BCKDHB: variants seen among roughly 807,000 people sequenced by gnomAD.
BCKDHB encodes the protein branched chain keto acid dehydrogenase E1 subunit beta, also known as 2-oxoisovalerate dehydrogenase subunit beta, mitochondrial.
Under a neutral mutation model 48.5 loss-of-function variants are expected in BCKDHB, and 41 were observed. That is an observed-to-expected ratio of 0.85 (90% confidence interval 0.66 to 1.10). BCKDHB has a LOEUF of 1.10. BCKDHB is among the 50% of genes least tolerant of loss of function. BCKDHB has a pLI of 0.00. For missense variants in BCKDHB, 496 were observed against 494.2 expected (o/e 1.00, Z -0.03); for synonymous variants, 201 against 174.8 (o/e 1.15, Z -1.18).
At chr6:80,396,969 G>A in the BCKDHB span, among the ~76,000 whole-genome samples, 1 of 152,082 alleles carries the variant, frequency 6.6e-6, no homozygotes, top group South Asian at 2.1e-4. Context: ...GGAAAAGGGG[G>A]CCCAAGTCTC....
At chr6:80,388,349 C>T in the BCKDHB span, among the ~76,000 whole-genome samples, 1 of 152,130 alleles carries the variant, frequency 6.6e-6, no homozygotes, top group Non-Finnish European at 1.5e-5. Flanking sequence ...ACAGAGGAGA[C>T]CTCTAGGATT....
At chr6:80,159,327 A>G (rs1041470578) in intron 3 of BCKDHB, among the ~76,000 whole-genome samples, 1 of 152,150 alleles carries the variant, frequency 6.6e-6, no homozygotes, top group African/African-American at 2.4e-5. Flanking sequence ...TATCTTCTCA[A>G]CTAGTACAGA....
intron 9 of BCKDHB, among the ~76,000 whole-genome samples, chr6:80,279,631 A>G (rs1188350601): frequency 6.6e-6 from 1 of 151,740 alleles, no homozygotes; most frequent in Non-Finnish European, 1.5e-5. Context: ...TGATCTACTC[A>G]AACCAGTCTT....
intron 6 of BCKDHB, among the ~76,000 whole-genome samples, chr6:80,184,000 A>T (rs1773528869): frequency 6.6e-6 from 1 of 152,144 alleles, no homozygotes; most frequent in African/African-American, 2.4e-5. Flanking sequence ...GCAGAAAGGT[A>T]TCTTGGTTGC....
intron 6 of BCKDHB, among the ~76,000 whole-genome samples, chr6:80,178,216 A>G (rs1739217737): frequency 6.6e-6 from 1 of 152,164 alleles, no homozygotes; most frequent in Non-Finnish European, 1.5e-5. Context: ...GCCTGGGATG[A>G]TGGGAGACTG....
Position 80,307,978 on chromosome 6 carries a change from C to A in BCKDHB, c.1038+34757C>A, listed in dbSNP as rs1197042989. The A allele has an allele frequency of 5.4e-6, 5 of 922,570 alleles. No individual in the cohort carries two copies. In the East Asian group the frequency reaches 4.7e-4, roughly 86 times the overall value. 57.1% of individuals were successfully genotyped at this position (922,570 alleles called of 1,614,324 possible). A position where few individuals can be genotyped will look rare whatever the true frequency, so the allele number is the denominator to read the frequency against. ...AGCAAAAAATTTTGAATGCCAGATA[C>A]TGCAAAGAATTCTACAATCACAACT... On this transcript the variant is annotated intron_variant, in intron 9 of 9. Coordinates refer to ENST00000320393, the MANE Select transcript of BCKDHB (RefSeq NM_183050.4).
At chr6:80,266,630 T>C (rs1777526563) in intron 8 of BCKDHB, among the ~76,000 whole-genome samples, 1 of 152,092 alleles carries the variant, frequency 6.6e-6, no homozygotes, top group Admixed American at 6.6e-5. Flanking sequence ...GAACTCGTTA[T>C]TCTAAAACAA....
the BCKDHB span, among the ~76,000 whole-genome samples, chr6:80,396,589 A>C: frequency 2.8e-4 from 43 of 152,290 alleles, 1 homozygote; most frequent in Middle Eastern, 0.01. Context: ...CTCATCTTGA[A>C]TTTTAGTTTC....
At chr6:80,204,667 C>CTA (rs3842604) in intron 8 of BCKDHB, among the ~76,000 whole-genome samples, 5 of 148,926 alleles carry the variant, frequency 3.4e-5, no homozygotes, top group Non-Finnish European at 5.9e-5. Flanking sequence ...ACGTATCTAT[C>CTA]TATATATATA....
chr6:80,228,226 A>C (rs549526275), intron 8 of BCKDHB, among the ~76,000 whole-genome samples: 1 of 152,224 alleles, frequency 6.6e-6, no homozygotes, highest in Admixed American at 6.5e-5. Flanking sequence ...ATGATGGTTC[A>C]TTTAAATTTT....
At chr6:80,444,407 T>G in the BCKDHB span, among the ~76,000 whole-genome samples, 1 of 152,196 alleles carries the variant, frequency 6.6e-6, no homozygotes, top group South Asian at 2.1e-4. Context: ...ATATAATTCT[T>G]GATACTTATT....
At chr6:80,340,791 T>TTG (rs1171906630) in intron 9 of BCKDHB, among the ~76,000 whole-genome samples, 2 of 151,584 alleles carry the variant, frequency 1.3e-5, no homozygotes, top group African/African-American at 4.8e-5. Flanking sequence ...GTGTGTGTGT[T>TTG]TGTGTGTGTG....
At chr6:80,354,876 A>G in the BCKDHB span, among the ~76,000 whole-genome samples, 19 of 152,276 alleles carry the variant, frequency 1.2e-4, no homozygotes, top group East Asian at 2.7e-3. Flanking sequence ...CTGGTTTTAT[A>G]CCAGTACTGT....
chr6:80,313,552 G>A (rs934908437), intron 9 of BCKDHB, among the ~76,000 whole-genome samples: 5 of 152,184 alleles, frequency 3.3e-5, no homozygotes, highest in South Asian at 2.1e-4. Flanking sequence ...GTAGAGACGT[G>A]GTTTCACCTT....
intron 3 of BCKDHB, among the ~76,000 whole-genome samples, chr6:80,150,946 C>T (rs892072352): frequency 5.3e-5 from 8 of 152,084 alleles, no homozygotes; most frequent in African/African-American, 1.9e-4. Context: ...GAATACTGTC[C>T]TTAATATATG....
At chr6:80,416,559 G>A in the BCKDHB span, among the ~76,000 whole-genome samples, 1 of 151,852 alleles carries the variant, frequency 6.6e-6, no homozygotes. Flanking sequence ...TCCGGAGCAG[G>A]TTATTCAACT....
At chr6:80,330,805 T>A (rs1274929973) in intron 9 of BCKDHB, among the ~76,000 whole-genome samples, 1 of 152,194 alleles carries the variant, frequency 6.6e-6, no homozygotes, top group South Asian at 2.1e-4. Context: ...TTCCTTCTCA[T>A]ATGACATTTG....
At chr6:80,218,111 C>T (rs1775255050) in intron 8 of BCKDHB, among the ~76,000 whole-genome samples, 1 of 152,108 alleles carries the variant, frequency 6.6e-6, no homozygotes, top group African/African-American at 2.4e-5. Context: ...TGTACATATG[C>T]CAACACGACT....
At chr6:80,144,125 C>T (rs1384161227) in intron 3 of BCKDHB, among the ~76,000 whole-genome samples, 2 of 152,114 alleles carry the variant, frequency 1.3e-5, no homozygotes, top group Non-Finnish European at 2.9e-5. Flanking sequence ...AACTCAAAAT[C>T]ACTTCAGGAA....
Sources: allele counts gnomAD v4.1 joint callset (sites outside exome capture counted in the v4.1 genomes callset), GRCh38; gene constraint gnomAD v4.1.1; transcripts MANE v1.5; gene names NCBI Gene and HGNC (gene_info 2026-07-23, HGNC 2026-07-21).